The following PCDHGA10 variants were observed in gnomAD, a reference collection of about 807,000 sequenced individuals.
PCDHGA10 encodes protocadherin gamma-A10.
Under a neutral mutation model 59.5 loss-of-function variants are expected in PCDHGA10, and 42 were observed. That is an observed-to-expected ratio of 0.71 (90% confidence interval 0.55 to 0.91). The LOEUF is 0.91. Ranked by LOEUF, PCDHGA10 falls within the 40% of genes least tolerant of loss-of-function variation. The probability of loss-of-function intolerance (pLI) is 0.00; values close to 1 mark genes in which losing one functional copy is unlikely to be tolerated. For synonymous variants in PCDHGA10, 511 were observed against 517.2 expected (o/e 0.99, Z 0.16); for missense variants, 1,111 against 1,198.2 (o/e 0.93, Z 1.07).
chr5:141,450,650 C>G (rs1220350105), intron 1 of PCDHGA10, among the ~76,000 whole-genome samples: 1 of 151,618 alleles, frequency 6.6e-6, no homozygotes, highest in Non-Finnish European at 1.5e-5. Context: ...CCATGCCTGG[C>G]TAATTTTTGT....
At chr5:141,428,019 G>C in intron 1 of PCDHGA10, 1 of 1,604,824 alleles carries the variant, frequency 6.2e-7, no homozygotes, top group Non-Finnish European at 8.5e-7. Flanking sequence ...AGTGCCACGC[G>C]CCGCAGAGTC....
Position 141,477,395 on chromosome 5 carries a change from A to G in PCDHGA10, c.2437-17412A>G. The G allele has an allele frequency of 1.9e-6, 3 of 1,614,126 alleles. No individual in the cohort carries two copies. The highest frequency in any genetic ancestry group is 1.3e-5 in the African/African-American group (1 of 75,020). ...GACTGTGCCAGAATACAACCTCAGC[A>G]TCACCGCCCGAGACGCCGGAACCCC... On this transcript the variant is annotated intron_variant, in intron 1 of 3. Transcript: ENST00000398610. The surrounding 1 kb of genome is among the most constrained non-coding windows in gnomAD (Gnocchi z 4.9).
At chr5:141,428,358 G>A in intron 1 of PCDHGA10, 2 of 565,492 alleles carry the variant, frequency 3.5e-6, no homozygotes, top group South Asian at 1.9e-5. Context: ...TGATTTTGGC[G>A]GTCGCCTTGC....
chr5:141,421,491 A>G (rs934861223), intron 1 of PCDHGA10: 8 of 1,614,102 alleles, frequency 5.0e-6, no homozygotes, highest in Non-Finnish European at 6.8e-6. Context: ...TGATCACGGC[A>G]GGCAGGATAG....
Position 141,431,278 on chromosome 5 carries a change from C to A in PCDHGA10, c.2436+15667C>A, listed in dbSNP as rs755533628. On this transcript the variant is annotated intron_variant, in intron 1 of 3. Transcript: ENST00000398610. The surrounding 1 kb of genome is among the most constrained non-coding windows in gnomAD (Gnocchi z 4.8). ...ACTCTCTGCAGAGCTACGAGCTCAG[C>A]CCGAACACTCACTTCTCCCTCATCG... 6.2e-7 allele frequency: 1 copy of A among 1,614,170 alleles called. No individual in the cohort carries two copies. The highest frequency in any genetic ancestry group is 8.5e-7 in the Non-Finnish European group (1 of 1,180,038).
chr5:141,487,459 T>A lies in PCDHGA10; in HGVS notation c.2437-7348T>A. The A allele has an allele frequency of 1.2e-6, 2 of 1,614,102 alleles. No homozygotes were observed. Among genetic ancestry groups the A allele is most frequent in the Non-Finnish European group, 1.7e-6 (2 of 1,180,008 alleles). On this transcript the variant is annotated intron_variant, in intron 1 of 3. Transcript: ENST00000398610. The surrounding 1 kb of genome is among the most constrained non-coding windows in gnomAD (Gnocchi z 5.0). ...TAGGGTCAGATGACCCTATCAAGTT[T>A]GTTGATGTGGGAGGCCACTCTCATG...
chr5:141,443,436 T>A (rs1435598893), intron 1 of PCDHGA10, among the ~76,000 whole-genome samples: 1 of 152,132 alleles, frequency 6.6e-6, no homozygotes, highest in Admixed American at 6.6e-5. Context: ...CAGTGAGCTG[T>A]GGTTGCGCTC....
At chr5:141,427,006 G>C (rs1288837425) in intron 1 of PCDHGA10, 3 of 456,792 alleles carry the variant, frequency 6.6e-6, no homozygotes, top group South Asian at 3.1e-5. Flanking sequence ...CCAGTTTTTA[G>C]CCAGGATGTA....
At chr5:141,468,748 C>T (rs2099176836) in intron 1 of PCDHGA10, among the ~76,000 whole-genome samples, 1 of 151,866 alleles carries the variant, frequency 6.6e-6, no homozygotes, top group South Asian at 2.1e-4. Context: ...TGCCTGTAGT[C>T]CCAGCTACTC....
chr5:141,487,936 G>C lies in PCDHGA10; in HGVS notation c.2437-6871G>C. On this transcript the variant is annotated intron_variant, in intron 1 of 3. Coordinates refer to ENST00000398610, the MANE Select transcript of PCDHGA10 (RefSeq NM_018913.3). This position sits in a 1 kb window ranked among gnomAD's most constrained non-coding sequence, Gnocchi z 5.0. The stretch of plus-strand genomic sequence containing the variant: ...AGGAGGCTACAGTGCACAGGGTACA[G>C]TGCACCAGGCAGTCACTTGGACAAA... 4.9e-6 allele frequency: 3 copies of C among 607,906 alleles called. No homozygotes were observed. The highest frequency in any genetic ancestry group is 3.7e-5 in the African/African-American group (2 of 54,158). 37.7% of individuals were successfully genotyped at this position (607,906 alleles called of 1,614,324 possible). A position where few individuals can be genotyped will look rare whatever the true frequency, so the allele number is the denominator to read the frequency against.
chr5:141,434,861 T>C (rs1157640770), intron 1 of PCDHGA10, among the ~76,000 whole-genome samples: 1 of 151,998 alleles, frequency 6.6e-6, no homozygotes, highest in Non-Finnish European at 1.5e-5. Context: ...TAAATTTATA[T>C]ATATGTGACA....
intron 1 of PCDHGA10, chr5:141,418,608 G>A (rs1265400499): frequency 6.2e-7 from 1 of 1,614,040 alleles, no homozygotes; most frequent in Admixed American, 1.7e-5. Flanking sequence ...TACAGGGTTA[G>A]CCTTCGGGAA....
chr5:141,444,525 C>T (rs2098439670), intron 1 of PCDHGA10, among the ~76,000 whole-genome samples: 1 of 152,062 alleles, frequency 6.6e-6, no homozygotes, highest in African/African-American at 2.4e-5. Context: ...GTAGGTGAGA[C>T]AGTGACTGTG....
Position 141,414,697 on chromosome 5 carries a change from T to A in PCDHGA10, c.1522T>A (p.Tyr508Asn), listed in dbSNP as rs748722995. The A allele has an allele frequency of 9.3e-6, 15 of 1,614,036 alleles. No homozygotes were observed. Among genetic ancestry groups the A allele is most frequent in the Non-Finnish European group, 1.3e-5 (15 of 1,179,930 alleles). ...CATCCAGGGGGTACCTCTGTCCTCA[T>A]ACATATCCATCAACTCAGACACTGG... is the stretch of plus-strand genomic sequence containing the variant. The part of the protein sequence containing the change: ...DTIQGVPLSS[Y>N]ISINSDTGVL... Residue 508 changes from tyrosine to asparagine, a missense_variant, in exon 1 of 4, where the codon TAC (tyrosine) becomes AAC (asparagine). Physicochemically the swap from Tyr to Asn is moderately radical, Grantham distance 143 (BLOSUM62 -2). Transcript: ENST00000398610.
At chr5:141,488,011 T>C (rs1424799954) in intron 1 of PCDHGA10, among the ~76,000 whole-genome samples, 1 of 152,182 alleles carries the variant, frequency 6.6e-6, no homozygotes, top group Non-Finnish European at 1.5e-5. Context: ...GATTCTGAAG[T>C]ACCTTAACTC....
At position 141,413,604 on chromosome 5, in the gene PCDHGA10, C is replaced by T; in HGVS notation, c.429C>T (p.Asp143=). 9 of 1,613,818 alleles carry T rather than the reference C, an allele frequency of 5.6e-6. No individual in the cohort carries two copies. The highest frequency in any genetic ancestry group is 7.6e-6 in the Non-Finnish European group (9 of 1,179,882). The change falls in exon 1 of 4, where the codon GAC becomes GAT. Residue 143 remains aspartate, a synonymous_variant. Coordinates refer to ENST00000398610, the MANE Select transcript of PCDHGA10 (RefSeq NM_018913.3). ...CAAAATTCCAAGCAGAAAATCTAGA[C>T]GTAAAAATTAATGAAAATGTCGCTG... is the stretch of plus-strand genomic sequence containing the variant. ...NAPKFQAENL[D]VKINENVAAG...
At position 141,432,432 on chromosome 5, in the gene PCDHGA10, A is replaced by G. The variant is rs1431760497; in HGVS notation, c.2436+16821A>G. On this transcript the variant is annotated intron_variant, in intron 1 of 3. Transcript: ENST00000398610. This position sits in a 1 kb window ranked among gnomAD's most constrained non-coding sequence, Gnocchi z 6.0. ...CTGTTCGTGCTGGACCAGAACGACA[A>G]TGCGCCCGAGATCCTGTACCCCGCC... The G allele has an allele frequency of 2.5e-6, 4 of 1,614,156 alleles. No homozygotes were observed. Among genetic ancestry groups the G allele is most frequent in the Non-Finnish European group, 3.4e-6 (4 of 1,180,028 alleles).
Position 141,491,586 on chromosome 5 carries a change from G to T in PCDHGA10, c.2437-3221G>T, listed in dbSNP as rs373990387. ...ACAGGACGTGCTTTTCACCGGCCTC[G>T]GACGGCAGTGACTTCACTTTTCTAA... On this transcript the variant is annotated intron_variant, in intron 1 of 3. Transcript: ENST00000398610. This position sits in a 1 kb window ranked among gnomAD's most constrained non-coding sequence, Gnocchi z 6.9. 2.1e-5 allele frequency: 34 copies of T among 1,613,792 alleles called. No individual in the cohort carries two copies. In the African/African-American group the frequency reaches 2.4e-4, roughly 11 times the overall value.
intron 1 of PCDHGA10, chr5:141,419,343 A>G: frequency 6.2e-7 from 1 of 1,613,806 alleles, no homozygotes; most frequent in East Asian, 2.2e-5. Flanking sequence ...ATTGCCAGCG[A>G]CCTGGAGTCA....
Sources: allele counts gnomAD v4.1 joint callset (sites outside exome capture counted in the v4.1 genomes callset), GRCh38; gene constraint gnomAD v4.1.1; non-coding constraint Gnocchi (gnomAD v3.1); transcripts MANE v1.5; gene names NCBI Gene and HGNC (gene_info 2026-07-23, HGNC 2026-07-21).